NBEA: variants seen among roughly 807,000 people sequenced by gnomAD.
NBEA encodes the protein lysosomal-trafficking regulator 2.
In NBEA, 44 loss-of-function variants were observed where a neutral mutation model predicts 343.4. The observed-to-expected ratio is 0.13, with a 90% CI of 0.10 to 0.16. NBEA has a LOEUF of 0.16. Among genes scored for constraint, NBEA ranks in the 10% least tolerant of loss-of-function variants. The pLI is 1.00. For synonymous variants in NBEA, 1,175 were observed against 1,238.7 expected, an observed-to-expected ratio of 0.95 and a Z score of 1.08; for missense variants, 2,555 against 3,631.3, an observed-to-expected ratio of 0.70 and a Z score of 7.62.
At chr13:34,951,320 G>C (rs1484972004) in intron 1 of NBEA, among the ~76,000 whole-genome samples, 1 of 152,194 alleles carries the variant, frequency 6.6e-6, no homozygotes, top group African/African-American at 2.4e-5. Context: ...TTCTTTGTGT[G>C]TAAAATGGGA....
At chr13:35,177,144 A>T in intron 28 of NBEA, 41 bp downstream of exon 28, 1 of 1,406,480 alleles carries the variant, frequency 7.1e-7, no homozygotes, top group Non-Finnish European at 9.9e-7. Flanking sequence ...TAAACCTTCT[A>T]CTGTCATTCG....
At chr13:35,498,036 T>C (rs1402690793) in intron 41 of NBEA, among the ~76,000 whole-genome samples, 5 of 152,050 alleles carry the variant, frequency 3.3e-5, no homozygotes, top group African/African-American at 1.2e-4. Context: ...TCTTAGCATG[T>C]ATTGATTTGC....
Position 35,100,457 on chromosome 13 carries a change from T to C in NBEA, c.1680+2052T>C, listed in dbSNP as rs561084406. ...TTCTGTATCTAGAGTATAATATTTG[T>C]TTAGAAGATGTATGATAAGCTACAT... On this transcript the variant is annotated intron_variant, in intron 11 of 58. Coordinates refer to ENST00000379939, the MANE Select transcript of NBEA (RefSeq NM_001385012.1). 1.6e-3 allele frequency among the ~76,000 whole-genome samples: 246 copies of C among 152,124 alleles called. 1 individual carries two copies. The highest frequency in any genetic ancestry group is 5.7e-3 in the African/African-American group (239 of 41,568).
At chr13:34,968,841 C>T (rs1401290767) in intron 1 of NBEA, among the ~76,000 whole-genome samples, 1 of 151,444 alleles carries the variant, frequency 6.6e-6, no homozygotes, top group African/African-American at 2.4e-5. Context: ...TTTTTTTAAA[C>T]ACATATGCTG....
chr13:34,961,164 G>T (rs2059649137), intron 1 of NBEA, among the ~76,000 whole-genome samples: 2 of 151,984 alleles, frequency 1.3e-5, no homozygotes, highest in South Asian at 2.1e-4. Flanking sequence ...GATTAGAGCG[G>T]TATTAGTGGG....
chr13:35,171,211 T>C (rs145357162), intron 25 of NBEA, 61 bp from the exon 26 acceptor site: 1 of 1,218,956 alleles, frequency 8.2e-7, no homozygotes, highest in Non-Finnish European at 1.2e-6. Flanking sequence ...TGTATGTATA[T>C]GTATTATATT....
At chr13:35,242,591 A>T (rs555809702) in intron 34 of NBEA, among the ~76,000 whole-genome samples, 3 of 151,972 alleles carry the variant, frequency 2.0e-5, no homozygotes, top group African/African-American at 7.2e-5. Flanking sequence ...ACATACAGAG[A>T]CACATTTTAA....
intron 36 of NBEA, among the ~76,000 whole-genome samples, chr13:35,330,551 C>T (rs985512757): frequency 2.6e-5 from 4 of 151,996 alleles, no homozygotes; most frequent in African/African-American, 9.7e-5. Flanking sequence ...TCTCTCCTTT[C>T]CATATCAAGC....
intron 35 of NBEA, among the ~76,000 whole-genome samples, chr13:35,292,284 G>A (rs758326555): frequency 3.3e-5 from 5 of 151,966 alleles, no homozygotes; most frequent in East Asian, 1.9e-4. Context: ...TGTCTTCAAC[G>A]TTTCTTAAAA....
At chr13:35,426,695 C>T (rs1324554963) in intron 38 of NBEA, among the ~76,000 whole-genome samples, 3 of 152,148 alleles carry the variant, frequency 2.0e-5, no homozygotes, top group Non-Finnish European at 4.4e-5. Flanking sequence ...GTTGGCCTGC[C>T]TTGCTAGGTT....
chr13:35,217,140 A>G (rs996487927), intron 33 of NBEA, among the ~76,000 whole-genome samples: 3 of 151,970 alleles, frequency 2.0e-5, no homozygotes, highest in Non-Finnish European at 4.4e-5. Flanking sequence ...TATGCAGAAC[A>G]TCTTTTCTTG....
At chr13:35,462,350 T>C (rs2152952937) in intron 40 of NBEA, among the ~76,000 whole-genome samples, 1 of 152,328 alleles carries the variant, frequency 6.6e-6, no homozygotes, top group South Asian at 2.1e-4. Context: ...AAAGCCTTTA[T>C]TAGAATGGGT....
At chr13:35,667,313 G>A in intron 56 of NBEA, 61 bp from the exon 57 acceptor site, 21 of 1,400,404 alleles carry the variant, frequency 1.5e-5, no homozygotes, top group Non-Finnish European at 2.1e-5. Flanking sequence ...CAGGTTGGTG[G>A]GAGCTAGTAT....
chr13:35,572,539 G>A (rs915787587), intron 45 of NBEA, among the ~76,000 whole-genome samples: 2 of 152,158 alleles, frequency 1.3e-5, no homozygotes, highest in Non-Finnish European at 2.9e-5. Context: ...TTAATAAAAG[G>A]AAGTGATAAT....
chr13:35,426,376 G>C (rs1184639135), intron 38 of NBEA, among the ~76,000 whole-genome samples: 4 of 152,128 alleles, frequency 2.6e-5, no homozygotes, highest in African/African-American at 9.7e-5. Context: ...TTGCTTGTTT[G>C]TAAAGTTTTT....
intron 41 of NBEA, chr13:35,476,914 G>C (rs2152962516): frequency 1.5e-6 from 1 of 658,868 alleles, no homozygotes; most frequent in Non-Finnish European, 1.9e-6. Context: ...TCTCAGCTTT[G>C]GTATTACTTG....
At chr13:35,069,124 T>C (rs2063767585) in intron 8 of NBEA, among the ~76,000 whole-genome samples, 2 of 152,164 alleles carry the variant, frequency 1.3e-5, no homozygotes, top group African/African-American at 4.8e-5. Context: ...GGAGTATAAA[T>C]CAGAAGACTT....
chr13:35,429,439 G>A (rs1415423946), intron 38 of NBEA, among the ~76,000 whole-genome samples: 4 of 152,022 alleles, frequency 2.6e-5, no homozygotes, highest in African/African-American at 4.8e-5. Flanking sequence ...TGACTAGAGG[G>A]AGCAGGCTTT....
intron 40 of NBEA, among the ~76,000 whole-genome samples, chr13:35,470,741 G>A (rs1040567050): frequency 6.6e-6 from 1 of 152,240 alleles, no homozygotes; most frequent in Non-Finnish European, 1.5e-5. Context: ...GGGGGATTCG[G>A]AGGAGGGCGC....
Sources: allele counts gnomAD v4.1 joint callset (sites outside exome capture counted in the v4.1 genomes callset), GRCh38; gene constraint gnomAD v4.1.1; transcripts MANE v1.5; gene names NCBI Gene and HGNC (gene_info 2026-07-23, HGNC 2026-07-21).